The following DOK6 variants were observed in gnomAD, a reference collection of about 807,000 sequenced individuals.
The protein encoded by DOK6 is docking protein 6.
A neutral mutation model predicts 44.0 loss-of-function variants in DOK6; 22 were observed. The observed-to-expected ratio is 0.50, with a 90% CI of 0.36 to 0.71. The LOEUF is 0.71. Among genes scored for constraint, DOK6 ranks in the 30% least tolerant of loss-of-function variants. The pLI, the probability that DOK6 is intolerant of heterozygous loss-of-function variation, is 0.00. For missense variants in DOK6, 340 were observed against 416.4 expected (o/e 0.82, Z 1.60); for synonymous variants, 166 against 145.5 (o/e 1.14, Z -1.01).
intron 7 of DOK6, among the ~76,000 whole-genome samples, chr18:69,787,749 A>G (rs1980475169): frequency 6.6e-6 from 1 of 152,160 alleles, no homozygotes; most frequent in South Asian, 2.1e-4. Context: ...GCTAAGACAG[A>G]TACATGAAGG....
intron 7 of DOK6, among the ~76,000 whole-genome samples, chr18:69,807,481 C>T (rs529909933): frequency 6.6e-6 from 1 of 151,904 alleles, no homozygotes; most frequent in African/African-American, 2.4e-5. Flanking sequence ...TTAAAATTGT[C>T]AATCAAAAAC....
intron 1 of DOK6, among the ~76,000 whole-genome samples, chr18:69,495,734 G>A (rs1444114767): frequency 6.6e-6 from 1 of 152,168 alleles, no homozygotes; most frequent in African/African-American, 2.4e-5. Context: ...TGCCATTCAT[G>A]GCATCCAGGC....
intron 2 of DOK6, among the ~76,000 whole-genome samples, chr18:69,598,323 T>G (rs1983794829): frequency 6.6e-6 from 1 of 151,840 alleles, no homozygotes; most frequent in South Asian, 2.1e-4. Context: ...ATAAAAATAT[T>G]AATCAGCAAA....
At chr18:69,712,185 G>A (rs1986773635) in intron 5 of DOK6, among the ~76,000 whole-genome samples, 1 of 145,698 alleles carries the variant, frequency 6.9e-6, no homozygotes, top group African/African-American at 2.5e-5. Context: ...GGAGGCTGAG[G>A]CAGGAGAATG....
Position 69,566,111 on chromosome 18 carries a change from G to GTTTA in DOK6, c.174+1550_174+1553dup, listed in dbSNP as rs56218878. On this transcript the variant is annotated intron_variant, in intron 2 of 7. Transcript: ENST00000382713. The stretch of plus-strand genomic sequence containing the variant: ...GGAGCTCTCTAGCCAGTACAGCTCG[G>GTTTA]TTTATTTATTTATTTATTTATTTAT... 5.6e-3 allele frequency among the ~76,000 whole-genome samples: 840 copies of GTTTA among 150,108 alleles called. 5 individuals are homozygous for GTTTA. Among genetic ancestry groups the GTTTA allele is most frequent in the African/African-American group, 0.019 (758 of 40,742 alleles).
chr18:69,529,946 G>A (rs1225427900), intron 1 of DOK6, among the ~76,000 whole-genome samples: 3 of 152,038 alleles, frequency 2.0e-5, no homozygotes, highest in Non-Finnish European at 4.4e-5. Flanking sequence ...GAATCAGAAA[G>A]TCTTTAGTCT....
At chr18:69,480,826 A>G (rs2119960) in intron 1 of DOK6, among the ~76,000 whole-genome samples, 117,791 of 152,038 alleles carry the variant, frequency 0.77, 45,811 homozygotes, top group African/African-American at 0.8. Context: ...ATTGGTTAGG[A>G]CAGGTTTTAC....
chr18:69,672,306 T>C (rs1985816299), intron 3 of DOK6, among the ~76,000 whole-genome samples: 1 of 152,222 alleles, frequency 6.6e-6, no homozygotes, highest in African/African-American at 2.4e-5. Context: ...AGATCCATGC[T>C]TTTGATCTTT....
intron 1 of DOK6, among the ~76,000 whole-genome samples, chr18:69,537,852 A>G (rs1341083236): frequency 6.6e-6 from 1 of 152,210 alleles, no homozygotes; most frequent in Non-Finnish European, 1.5e-5. Flanking sequence ...TTAAAAGTAT[A>G]TTGACATAAC....
chr18:69,534,830 T>A (rs1982077014), intron 1 of DOK6, among the ~76,000 whole-genome samples: 1 of 152,182 alleles, frequency 6.6e-6, no homozygotes, highest in Non-Finnish European at 1.5e-5. Flanking sequence ...TCTGCTATGA[T>A]CATCTTGGAT....
At chr18:69,717,744 G>T (rs564219891) in intron 5 of DOK6, among the ~76,000 whole-genome samples, 9 of 152,138 alleles carry the variant, frequency 5.9e-5, no homozygotes, top group Non-Finnish European at 1.3e-4. Context: ...CTTGGCCCTG[G>T]GGTGATCAGG....
At chr18:69,666,466 G>A (rs1258453264) in intron 3 of DOK6, among the ~76,000 whole-genome samples, 1 of 151,920 alleles carries the variant, frequency 6.6e-6, no homozygotes, top group African/African-American at 2.4e-5. Context: ...GGAAATGTTA[G>A]GCACGCACCT....
intron 1 of DOK6, among the ~76,000 whole-genome samples, chr18:69,487,235 G>C (rs991992463): frequency 8.6e-5 from 13 of 151,694 alleles, no homozygotes; most frequent in African/African-American, 2.9e-4. Flanking sequence ...GTCTGTGTGT[G>C]TGTGTGTGTT....
rs188752467 is a variant in DOK6 at position 69,533,457 on chromosome 18, G to T, written c.67-31030G>T. On this transcript the variant is annotated intron_variant, in intron 1 of 7. Coordinates refer to ENST00000382713, the MANE Select transcript of DOK6 (RefSeq NM_152721.6). The stretch of plus-strand genomic sequence containing the variant: ...AAATTAAATAAAAAGAAGATACTAG[G>T]CATTATCTCACTGAAAAATACAAAC... 2.6e-5 allele frequency among the ~76,000 whole-genome samples: 4 copies of T among 152,092 alleles called. No individual in the cohort carries two copies. The East Asian group carries it at 7.7e-4, about 29-fold the overall frequency.
At chr18:69,659,228 T>C (rs1985446439) in intron 3 of DOK6, among the ~76,000 whole-genome samples, 1 of 152,216 alleles carries the variant, frequency 6.6e-6, no homozygotes, top group African/African-American at 2.4e-5. Flanking sequence ...CTCTGGCCTG[T>C]TCAGAAGAAA....
Position 69,593,231 on chromosome 18 carries a change from G to C in DOK6, c.175-6153G>C, listed in dbSNP as rs114379756. ...AAATTAAATTAAAAAAATTAGTTGGGCATGGTGGCACACACCTGTAGTCCC... is the reference window on the plus strand; with the variant it reads ...AAATTAAATTAAAAAAATTAGTTGGCCATGGTGGCACACACCTGTAGTCCC... On this transcript the variant is annotated intron_variant, in intron 2 of 7. Coordinates refer to ENST00000382713, the MANE Select transcript of DOK6 (RefSeq NM_152721.6). Among the ~76,000 whole-genome samples, 1,414 of 152,006 alleles carry C rather than the reference G, an allele frequency of 9.3e-3. 24 individuals are homozygous for C. The highest frequency in any genetic ancestry group is 0.032 in the African/African-American group (1,317 of 41,476).
intron 1 of DOK6, among the ~76,000 whole-genome samples, chr18:69,531,453 C>A (rs1038109026): frequency 1.3e-5 from 2 of 151,460 alleles, no homozygotes; most frequent in Admixed American, 6.6e-5. Flanking sequence ...AAAAATAAGT[C>A]CACTACCAAA....
chr18:69,607,907 G>A lies in DOK6; in HGVS notation c.289+8409G>A, dbSNP rs571855156. On this transcript the variant is annotated intron_variant, in intron 3 of 7. Coordinates refer to ENST00000382713, the MANE Select transcript of DOK6 (RefSeq NM_152721.6). ...TGGAAATGCAGGTAACAGATAAAAT[G>A]TTAAAAACTATAATGTGAAAAAACC... Among the ~76,000 whole-genome samples the A allele has an allele frequency of 5.3e-5, 8 of 152,254 alleles. No individual in the cohort carries two copies. The East Asian group carries it at 9.6e-4, about 18-fold the overall frequency.
In DOK6 at chr18:69,612,445, G is replaced by A. The variant is rs1163702540; in HGVS notation, c.289+12947G>A. 6.0e-5 allele frequency among the ~76,000 whole-genome samples: 9 copies of A among 150,962 alleles called. 1 individual carries two copies. The highest frequency in any genetic ancestry group is 1.7e-4 in the African/African-American group (7 of 41,154). On this transcript the variant is annotated intron_variant, in intron 3 of 7. Coordinates refer to ENST00000382713, the MANE Select transcript of DOK6 (RefSeq NM_152721.6). ...TGCGAGGGCGCATGTGTGCGAGGGC[G>A]CATGTGTGCGAGCGTGCATATGTAT... is the stretch of plus-strand genomic sequence containing the variant.
Sources: gnomAD v4.1 joint callset for allele counts (sites outside exome capture counted in the v4.1 genomes callset) on GRCh38, gnomAD v4.1.1 for gene constraint, MANE v1.5 for transcripts, NCBI Gene and HGNC (gene_info 2026-07-23, HGNC 2026-07-21) for gene names.